Variants in BTRC observed in about 807,000 individuals in gnomAD.
BTRC encodes the protein beta-transducin repeat containing E3 ubiquitin protein ligase, also known as F-box/WD repeat-containing protein 1A.
Under a neutral mutation model 85.5 loss-of-function variants are expected in BTRC, and 42 were observed. That is an observed-to-expected ratio of 0.49 (90% confidence interval 0.38 to 0.64). The LOEUF is 0.64. BTRC is among the 30% of genes least tolerant of loss of function. BTRC has a pLI of 0.00. For synonymous variants in BTRC, 255 were observed against 263.3 expected (o/e 0.97, Z 0.30); for missense variants, 594 against 743.5 (o/e 0.80, Z 2.34).
At chr10:101,447,740 T>A (rs1944863417) in intron 2 of BTRC, among the ~76,000 whole-genome samples, 1 of 152,182 alleles carries the variant, frequency 6.6e-6, no homozygotes, top group African/African-American at 2.4e-5. Flanking sequence ...TGATGATAGC[T>A]AATAACAGAT....
chr10:101,528,531 T>TA (rs1459975495), intron 6 of BTRC, among the ~76,000 whole-genome samples: 1 of 152,216 alleles, frequency 6.6e-6, no homozygotes, highest in Non-Finnish European at 1.5e-5. Flanking sequence ...GTTCTGACTA[T>TA]ATCCCCTTGT....
At chr10:101,389,601 G>A (rs961117364) in intron 1 of BTRC, among the ~76,000 whole-genome samples, 40 of 132,140 alleles carry the variant, frequency 3.0e-4, no homozygotes, top group Admixed American at 2.7e-3. Flanking sequence ...CTGGCCTTTT[G>A]CCAAACACCT....
At chr10:101,417,301 A>G (rs187625506) in intron 1 of BTRC, among the ~76,000 whole-genome samples, 14 of 152,344 alleles carry the variant, frequency 9.2e-5, no homozygotes, top group African/African-American at 3.1e-4. Context: ...TTACTCTGGA[A>G]CAGTTCTTCA....
At chr10:101,446,855 A>C (rs1175424469) in intron 2 of BTRC, among the ~76,000 whole-genome samples, 3 of 152,168 alleles carry the variant, frequency 2.0e-5, no homozygotes, top group African/African-American at 7.2e-5. Context: ...TCCCCCAAAG[A>C]TCTAAACCAG....
At chr10:101,536,797 G>A (rs780962901) in intron 12 of BTRC, 144 bp downstream of exon 12, 15 of 570,660 alleles carry the variant, frequency 2.6e-5, no homozygotes, top group Middle Eastern at 4.7e-4. Context: ...TCTTTAATCC[G>A]TGTATTTACC....
At chr10:101,363,104 AT>A (rs1458230502) in intron 1 of BTRC, among the ~76,000 whole-genome samples, 2 of 152,202 alleles carry the variant, frequency 1.3e-5, no homozygotes, top group African/African-American at 2.4e-5. Context: ...GCTGTTCTAA[AT>A]ATACTGTTCT....
intron 1 of BTRC, among the ~76,000 whole-genome samples, chr10:101,368,654 C>T (rs1435779058): frequency 1.3e-5 from 2 of 151,814 alleles, no homozygotes; most frequent in African/African-American, 2.4e-5. Context: ...CAATGTTTTT[C>T]ATTTTATACT....
intron 13 of BTRC, among the ~76,000 whole-genome samples, chr10:101,546,819 G>T (rs3127238): frequency 0.63 from 95,676 of 151,944 alleles, 31,305 homozygotes; most frequent in East Asian, 0.85. Flanking sequence ...AAGACATAAT[G>T]TACTAATATC....
At chr10:101,403,551 C>T (rs1943539977) in intron 1 of BTRC, among the ~76,000 whole-genome samples, 1 of 152,050 alleles carries the variant, frequency 6.6e-6, no homozygotes. Context: ...ATTTTATTTT[C>T]AGTTTTCTCA....
chr10:101,515,670 C>G (rs958444184), intron 4 of BTRC, among the ~76,000 whole-genome samples: 1 of 152,064 alleles, frequency 6.6e-6, no homozygotes, highest in Non-Finnish European at 1.5e-5. Context: ...TACCACCACG[C>G]CCGGCTAATT....
intron 1 of BTRC, among the ~76,000 whole-genome samples, chr10:101,395,525 G>C (rs1252907902): frequency 6.6e-6 from 1 of 152,062 alleles, no homozygotes; most frequent in Non-Finnish European, 1.5e-5. Context: ...AACATTTACA[G>C]ACCCTTCCTC....
chr10:101,479,109 A>G (rs1219341283), intron 3 of BTRC, among the ~76,000 whole-genome samples: 1 of 152,216 alleles, frequency 6.6e-6, no homozygotes, highest in Non-Finnish European at 1.5e-5. Context: ...CTACATAATC[A>G]GTACCCCCAG....
chr10:101,420,505 T>TC (rs1197142721), intron 1 of BTRC, among the ~76,000 whole-genome samples: 3 of 151,936 alleles, frequency 2.0e-5, no homozygotes, highest in African/African-American at 7.3e-5. Flanking sequence ...CTCACTGCCA[T>TC]CCCCCCACCC....
At chr10:101,496,733 C>T (rs369127682) in intron 4 of BTRC, among the ~76,000 whole-genome samples, 1 of 151,672 alleles carries the variant, frequency 6.6e-6, no homozygotes, top group East Asian at 1.9e-4. Context: ...GTTGATTGGC[C>T]ATTTGGATGT....
At chr10:101,456,179 AAAG>A (rs1945077748) in intron 2 of BTRC, among the ~76,000 whole-genome samples, 1 of 152,024 alleles carries the variant, frequency 6.6e-6, no homozygotes, top group Admixed American at 6.6e-5. Flanking sequence ...AAAAAAAAAA[AAAG>A]AATGATGATT....
At chr10:101,495,589 G>A (rs1946238950) in intron 4 of BTRC, among the ~76,000 whole-genome samples, 1 of 152,166 alleles carries the variant, frequency 6.6e-6, no homozygotes, top group Non-Finnish European at 1.5e-5. Context: ...TGTGGCCATA[G>A]GTTTGCAAGT....
intron 1 of BTRC, among the ~76,000 whole-genome samples, chr10:101,369,786 G>C (rs1160434191): frequency 1.3e-5 from 2 of 152,074 alleles, no homozygotes; most frequent in Non-Finnish European, 2.9e-5. Context: ...AATACCACAG[G>C]GTTCGTTCGA....
chr10:101,481,221 A>G (rs946883928), intron 4 of BTRC, among the ~76,000 whole-genome samples: 30 of 152,330 alleles, frequency 2.0e-4, no homozygotes, highest in Admixed American at 4.6e-4. Context: ...TGGGATTACA[A>G]GCGTGAGCCA....
intron 4 of BTRC, among the ~76,000 whole-genome samples, chr10:101,519,888 A>T (rs2062078037): frequency 6.6e-6 from 1 of 152,016 alleles, no homozygotes; most frequent in Non-Finnish European, 1.5e-5. Context: ...CCAGCTACTC[A>T]GGAGGCTGAA....
Sources: allele counts gnomAD v4.1 joint callset (sites outside exome capture counted in the v4.1 genomes callset), GRCh38; gene constraint gnomAD v4.1.1; transcripts MANE v1.5; gene names NCBI Gene and HGNC (gene_info 2026-07-23, HGNC 2026-07-21).